EBF1: variants seen among roughly 807,000 people sequenced by gnomAD.
EBF1 encodes EBF transcription factor 1.
Under a neutral mutation model 68.4 loss-of-function variants are expected in EBF1, and 10 were observed. The observed-to-expected ratio is 0.15, with a 90% CI of 0.09 to 0.25. The LOEUF (loss-of-function observed/expected upper bound fraction) is 0.25. EBF1 is among the 10% of genes least tolerant of loss of function. The pLI is 1.00. For missense variants in EBF1, 509 were observed against 794.4 expected, an observed-to-expected ratio of 0.64 and a Z score of 4.32; for synonymous variants, 298 against 299.8, an observed-to-expected ratio of 0.99 and a Z score of 0.06.
At position 158,712,203 on chromosome 5, in the gene EBF1, G is replaced by A. The variant is rs753073484; in HGVS notation, c.1500C>T (p.Gly500=). 9 of 1,613,470 alleles carry A rather than the reference G, an allele frequency of 5.6e-6. No homozygotes were observed. The highest frequency in any genetic ancestry group is 2.2e-5 in the South Asian group (2 of 90,886). The change falls in exon 14 of 16, where the codon GGC becomes GGT. Residue 500 remains glycine (G), a synonymous_variant. Transcript: ENST00000313708. ...GYGSAAMSNL[G]GSPTFLNGSA... ...AGCCGTTGAGGAAGGTGGGGGAGCC[G>A]CCCAAATTGGACATTGCGGCAGAGC...
rs1755843984 is a variant in EBF1, at chr5:158,696,854, C to CTTAAGGTAACAAAACAGTTCTTTTG, written c.*2232_*2256dup. On this transcript the variant is annotated 3_prime_UTR_variant, in exon 16 of 16. Transcript: ENST00000313708. ...GCTCTACTAGAAAAAGTTACATTGT[C>CTTAAGGTAACAAAACAGTTCTTTTG]TTAAGGTAACAAAACAGTTCTTTTG... 1.5e-5 allele frequency: 3 copies of CTTAAGGTAACAAAACAGTTCTTTTG among 196,170 alleles called. No homozygotes were observed. In the South Asian group the frequency reaches 5.8e-4, roughly 38 times the overall value. 12.2% of individuals were successfully genotyped at this position (196,170 alleles called of 1,614,324 possible).
At chr5:158,895,154 CAAT>C (rs1438320184) in intron 6 of EBF1, among the ~76,000 whole-genome samples, 1 of 152,112 alleles carries the variant, frequency 6.6e-6, no homozygotes, top group Non-Finnish European at 1.5e-5. Flanking sequence ...CTATGAACAT[CAAT>C]AATAAGTCAG....
chr5:159,008,201 T>C (rs778680972), intron 6 of EBF1, among the ~76,000 whole-genome samples: 8 of 152,212 alleles, frequency 5.3e-5, no homozygotes, highest in Non-Finnish European at 1.0e-4. Flanking sequence ...GTTTAAGAAG[T>C]CAAACTTTTG....
chr5:158,970,628 G>A (rs946863360), intron 6 of EBF1, among the ~76,000 whole-genome samples: 1 of 152,104 alleles, frequency 6.6e-6, no homozygotes, highest in Admixed American at 6.5e-5. Flanking sequence ...TGCGGTCAGC[G>A]ATTATGACTT....
At chr5:158,788,703 T>C (rs1217871427) in intron 9 of EBF1, among the ~76,000 whole-genome samples, 1 of 152,154 alleles carries the variant, frequency 6.6e-6, no homozygotes, top group African/African-American at 2.4e-5. Flanking sequence ...TGCAGCCAGG[T>C]GTGAATTCTG....
At chr5:159,096,467 T>A in intron 2 of EBF1, 61 bp from the exon 3 acceptor site, 1 of 1,573,060 alleles carries the variant, frequency 6.4e-7, no homozygotes. Context: ...CGTGAGCGAG[T>A]GGACCAACTT....
In EBF1 at chr5:158,778,566, T is replaced by C. The variant is rs1224477890; in HGVS notation, c.910-1027A>G. Among the ~76,000 whole-genome samples the C allele has an allele frequency of 2.0e-5, 3 of 152,164 alleles. No homozygotes were observed. In the East Asian group the frequency reaches 5.8e-4, roughly 29 times the overall value. ...GGGGATAACTTAGAAAGGGCTCTTA[T>C]ATCAATGTGCAAACCAGGCCCAGTT... On this transcript the variant is annotated intron_variant, in intron 9 of 15. Coordinates refer to ENST00000313708, the MANE Select transcript of EBF1 (RefSeq NM_024007.5).
chr5:158,748,531 C>A (rs1423825701), intron 10 of EBF1, among the ~76,000 whole-genome samples: 1 of 152,118 alleles, frequency 6.6e-6, no homozygotes, highest in African/African-American at 2.4e-5. Context: ...ACCATTAATG[C>A]CCCATTTTCA....
At chr5:158,991,133 C>T (rs1435368757) in intron 6 of EBF1, among the ~76,000 whole-genome samples, 2 of 152,142 alleles carry the variant, frequency 1.3e-5, no homozygotes, top group South Asian at 2.1e-4. Flanking sequence ...TTGATTTCTA[C>T]GTTTGTTAAA....
At chr5:158,726,146 CT>C (rs576932369) in intron 11 of EBF1, among the ~76,000 whole-genome samples, 134 of 152,224 alleles carry the variant, frequency 8.8e-4, no homozygotes, top group Non-Finnish European at 1.5e-3. Context: ...GTAATAAATA[CT>C]TTTTTTATGT....
intron 6 of EBF1, chr5:158,941,190 G>A (rs915315945): frequency 2.2e-6 from 1 of 455,890 alleles, no homozygotes; most frequent in Non-Finnish European, 4.4e-6. Context: ...TGCTGTGAGT[G>A]AAAGAGACAC....
intron 6 of EBF1, among the ~76,000 whole-genome samples, chr5:158,966,834 T>G (rs12109219): frequency 0.23 from 35,424 of 152,064 alleles, 4,476 homozygotes; most frequent in Non-Finnish European, 0.27. Flanking sequence ...TTAATACAAA[T>G]AGCTGAAGGC....
At chr5:158,979,119 G>GAAGA (rs1427765993) in intron 6 of EBF1, among the ~76,000 whole-genome samples, 1 of 152,052 alleles carries the variant, frequency 6.6e-6, no homozygotes, top group Non-Finnish European at 1.5e-5. Context: ...AGAGAAAAAA[G>GAAGA]AAGAAAGTGA....
chr5:158,898,131 A>G (rs373874108), intron 6 of EBF1, among the ~76,000 whole-genome samples: 10 of 152,190 alleles, frequency 6.6e-5, no homozygotes, highest in African/African-American at 1.9e-4. Context: ...TGTCTTTAAA[A>G]CATTTTTTTT....
At chr5:158,961,545 A>T (rs528589439) in intron 6 of EBF1, among the ~76,000 whole-genome samples, 1 of 152,330 alleles carries the variant, frequency 6.6e-6, no homozygotes, top group South Asian at 2.1e-4. Flanking sequence ...AGCATAATCC[A>T]ATTTTGTAAA....
intron 6 of EBF1, among the ~76,000 whole-genome samples, chr5:158,957,837 C>T (rs1168951847): frequency 6.6e-6 from 1 of 152,222 alleles, no homozygotes; most frequent in Non-Finnish European, 1.5e-5. Context: ...AAGATGCCAA[C>T]ATCACTCCCA....
At chr5:158,798,884 T>A (rs1780058908) in intron 8 of EBF1, among the ~76,000 whole-genome samples, 1 of 152,114 alleles carries the variant, frequency 6.6e-6, no homozygotes, top group Non-Finnish European at 1.5e-5. Flanking sequence ...CTCCTACCTC[T>A]ACACTCAGCA....
At chr5:159,073,164 T>C (rs2127944183) in intron 6 of EBF1, among the ~76,000 whole-genome samples, 1 of 152,270 alleles carries the variant, frequency 6.6e-6, no homozygotes, top group East Asian at 1.9e-4. Context: ...AAAAATATAT[T>C]CCTTTAGGAG....
At chr5:158,777,786 A>C (rs1775600457) in intron 9 of EBF1, among the ~76,000 whole-genome samples, 2 of 152,170 alleles carry the variant, frequency 1.3e-5, no homozygotes, top group Non-Finnish European at 2.9e-5. Context: ...TTGAACAGGG[A>C]ACCTGGCCTA....
Sources: allele counts gnomAD v4.1 joint callset (sites outside exome capture counted in the v4.1 genomes callset), GRCh38; gene constraint gnomAD v4.1.1; transcripts MANE v1.5; gene names NCBI Gene and HGNC (gene_info 2026-07-23, HGNC 2026-07-21).